FER1L6: variants seen among roughly 807,000 people sequenced by gnomAD.
The protein encoded by FER1L6 is fer-1 like family member 6.
FER1L6 carries 177 observed loss-of-function variants against 219.2 expected under a neutral mutation model. The observed-to-expected ratio is 0.81, with a 90% CI of 0.71 to 0.91. The LOEUF (loss-of-function observed/expected upper bound fraction) is 0.91. FER1L6 is among the 40% of genes least tolerant of loss of function. FER1L6 has a pLI of 0.00. For synonymous variants in FER1L6, 768 were observed against 824.3 expected (o/e 0.93, Z 1.17); for missense variants, 2,153 against 2,259.9 (o/e 0.95, Z 0.96).
At chr8:124,015,607 A>ATATATATATATATATATGTATG (rs71289634) in intron 15 of FER1L6, among the ~76,000 whole-genome samples, 2 of 88,602 alleles carry the variant, frequency 2.3e-5, no homozygotes, top group African/African-American at 8.6e-5. Context: ...ATATATATAT[A>ATATATATATATATATATGTATG]TATATATATT....
In FER1L6 at chr8:124,008,527, A is replaced by G. The variant is rs150968738; in HGVS notation, c.1701-2067A>G. ...AGTTCTTTAAGACCTGAAACTATAA[A>G]AATTCTAGAAGATAACATCAGAAAA... On this transcript the variant is annotated intron_variant, in intron 13 of 40. Coordinates refer to ENST00000522917, the MANE Select transcript of FER1L6 (RefSeq NM_001039112.2). 8.8e-3 allele frequency among the ~76,000 whole-genome samples: 1,335 copies of G among 152,336 alleles called. 17 individuals are homozygous for G. Among genetic ancestry groups the G allele is most frequent in the African/African-American group, 0.029 (1,199 of 41,558 alleles).
Position 124,064,373 on chromosome 8 carries a change from G to C in FER1L6, c.3355G>C (p.Glu1119Gln). ...HDISDSLTAT[E>Q]SSGAHSSSQD... ...TATTTCAGATTCGCTAACAGCCACT[G>C]AGTCCTCTGGAGCCCACAGCTCCTC... Residue 1119 changes from glutamate to glutamine, a missense_variant, in exon 26 of 41, where the codon GAG (glutamate) becomes CAG (glutamine). Glu to Gln is a conservative substitution (Grantham distance 29, BLOSUM62 2). Coordinates refer to ENST00000522917, the MANE Select transcript of FER1L6 (RefSeq NM_001039112.2). 1.2e-6 allele frequency: 2 copies of C among 1,612,212 alleles called. No individual in the cohort carries two copies. The highest frequency in any genetic ancestry group is 2.2e-5 in the South Asian group (2 of 90,610).
chr8:124,017,827 T>C, intron 16 of FER1L6, 109 bp downstream of exon 16: 1 of 771,904 alleles, frequency 1.3e-6, no homozygotes, highest in South Asian at 2.0e-5. Flanking sequence ...CATACATTTT[T>C]GGGATGCAGA....
chr8:124,053,668 A>G (rs1820151026), intron 22 of FER1L6, among the ~76,000 whole-genome samples: 1 of 152,076 alleles, frequency 6.6e-6, no homozygotes. Flanking sequence ...GACTAGCCTC[A>G]GCAACATAGT....
At position 123,884,066 on chromosome 8, in the gene FER1L6, G is replaced by A. The variant is rs186356857; in HGVS notation, c.-8+31881G>A. Among the ~76,000 whole-genome samples, 9 of 152,310 alleles carry A rather than the reference G, an allele frequency of 5.9e-5. No homozygotes were observed. In the East Asian group the frequency reaches 1.7e-3, roughly 29 times the overall value. ...GAAAGACCAGTGCATGCCCTTTGGA[G>A]CTCTTGGAGAAGTGGAAAAGGAGGG... On this transcript the variant is annotated intron_variant, in intron 1 of 40. Coordinates refer to ENST00000522917, the MANE Select transcript of FER1L6 (RefSeq NM_001039112.2).
In FER1L6 at chr8:124,076,282, C is replaced by A; in HGVS notation, c.4177C>A (p.Arg1393=). Residue 1393 remains arginine, a synonymous_variant, in exon 32 of 41, where the codon CGG becomes AGG. Transcript: ENST00000522917. ...IKLGKTEIKD[R]DKYIPKQLNP... ...GCTTGGCAAGACAGAAATCAAAGAC[C>A]GGGATAAATACATCCCTAAACAACT... 7 of 1,613,792 alleles carry A rather than the reference C, an allele frequency of 4.3e-6. No homozygotes were observed. The highest frequency in any genetic ancestry group is 5.9e-6 in the Non-Finnish European group (7 of 1,179,718).
At chr8:124,079,664 G>A (rs1314342901) in intron 32 of FER1L6, among the ~76,000 whole-genome samples, 1 of 152,148 alleles carries the variant, frequency 6.6e-6, no homozygotes, top group Non-Finnish European at 1.5e-5. Context: ...CTGTTTCCAT[G>A]GAACCTACAC....
chr8:123,901,899 T>C (rs1211986437), intron 1 of FER1L6, among the ~76,000 whole-genome samples: 3 of 151,950 alleles, frequency 2.0e-5, no homozygotes, highest in Admixed American at 1.3e-4. Flanking sequence ...TTTTGCATTT[T>C]TTAGTAGAGA....
At chr8:124,070,992 ATTCAC>A (rs1035522951) in intron 30 of FER1L6, among the ~76,000 whole-genome samples, 1 of 152,222 alleles carries the variant, frequency 6.6e-6, no homozygotes, top group Non-Finnish European at 1.5e-5. Context: ...AGTAGCCAGC[ATTCAC>A]TATAAACATA....
chr8:123,864,048 G>A (rs1260591761), intron 1 of FER1L6, among the ~76,000 whole-genome samples: 3 of 145,670 alleles, frequency 2.1e-5, no homozygotes, highest in Non-Finnish European at 3.0e-5. Context: ...TATTTTGCTC[G>A]TTAGTTGATG....
chr8:124,017,573 T>G, intron 15 of FER1L6, 55 bp from the exon 16 acceptor site: 1 of 1,348,860 alleles, frequency 7.4e-7, no homozygotes, highest in South Asian at 1.2e-5. Flanking sequence ...CCTCTGGAAT[T>G]ATATAAATGG....
chr8:123,858,372 TGTGA>T (rs954975338), intron 1 of FER1L6, among the ~76,000 whole-genome samples: 3 of 152,208 alleles, frequency 2.0e-5, no homozygotes, highest in Admixed American at 6.5e-5. Flanking sequence ...GCTAAGAGGC[TGTGA>T]GTGTTTGGAA....
chr8:123,928,398 A>AT (rs1049429453), intron 1 of FER1L6, among the ~76,000 whole-genome samples: 1 of 152,162 alleles, frequency 6.6e-6, no homozygotes, highest in Non-Finnish European at 1.5e-5. Context: ...TGCATTTGAG[A>AT]TTTTGAATGT....
intron 15 of FER1L6, 92 bp downstream of exon 15, chr8:124,013,623 T>A: frequency 1.3e-6 from 1 of 741,680 alleles, no homozygotes; most frequent in Non-Finnish European, 2.2e-6. Context: ...TCACATGCAT[T>A]CAAATGGGTG....
chr8:123,975,443 A>G (rs1816029513), intron 8 of FER1L6, 137 bp downstream of exon 8: 9 of 751,608 alleles, frequency 1.2e-5, no homozygotes, highest in Non-Finnish European at 1.9e-5. Flanking sequence ...ATTCTGCTCT[A>G]TCAGACACCA....
At chr8:124,071,189 AATGAG>A (rs972656794) in intron 30 of FER1L6, among the ~76,000 whole-genome samples, 2 of 152,202 alleles carry the variant, frequency 1.3e-5, no homozygotes, top group African/African-American at 4.8e-5. Context: ...GTCAGGATTG[AATGAG>A]ATAATGGGGA....
At chr8:124,047,345 T>G (rs948709365) in intron 21 of FER1L6, among the ~76,000 whole-genome samples, 7 of 152,216 alleles carry the variant, frequency 4.6e-5, no homozygotes, top group African/African-American at 1.7e-4. Context: ...GAGTTAAAAA[T>G]AATACCTTTC....
chr8:123,883,479 C>T (rs1563672557), intron 1 of FER1L6, among the ~76,000 whole-genome samples: 2 of 152,192 alleles, frequency 1.3e-5, no homozygotes, highest in African/African-American at 2.4e-5. Context: ...ACAGTAAACA[C>T]TCAGTGGATG....
At chr8:124,118,323 C>T (rs1823333597) in intron 39 of FER1L6, among the ~76,000 whole-genome samples, 1 of 152,042 alleles carries the variant, frequency 6.6e-6, no homozygotes, top group Non-Finnish European at 1.5e-5. Flanking sequence ...ATTGAGGGAA[C>T]AGGAAGAGGG....
Sources: allele counts gnomAD v4.1 joint callset (sites outside exome capture counted in the v4.1 genomes callset), GRCh38; gene constraint gnomAD v4.1.1; transcripts MANE v1.5; gene names NCBI Gene and HGNC (gene_info 2026-07-23, HGNC 2026-07-21).